MAGI3: variants seen among roughly 807,000 people sequenced by gnomAD.
The protein encoded by MAGI3 is membrane-associated guanylate kinase, WW and PDZ domain-containing protein 3.
Under a neutral mutation model 121.8 loss-of-function variants are expected in MAGI3, and 43 were observed. The observed-to-expected ratio is 0.35, with a 90% CI of 0.28 to 0.46. The LOEUF (loss-of-function observed/expected upper bound fraction) is 0.46. MAGI3 is among the 20% of genes least tolerant of loss of function. The pLI is 1.00. For missense variants in MAGI3, 1,547 were observed against 1,797.3 expected (o/e 0.86, Z 2.52); for synonymous variants, 553 against 639.3 (o/e 0.86, Z 2.04).
chr1:113,561,438 C>T (rs1326340612), intron 2 of MAGI3, among the ~76,000 whole-genome samples: 2 of 152,152 alleles, frequency 1.3e-5, no homozygotes, highest in Non-Finnish European at 2.9e-5. Flanking sequence ...AGCTTTATCC[C>T]GAGGATGCAA....
chr1:113,639,561 C>T (rs899107489), intron 9 of MAGI3, among the ~76,000 whole-genome samples: 1 of 151,910 alleles, frequency 6.6e-6, no homozygotes, highest in Admixed American at 6.6e-5. Flanking sequence ...GCCACCATGC[C>T]TGGCTAATTT....
At chr1:113,646,752 A>G (rs940719527) in intron 12 of MAGI3, 110 bp downstream of exon 12, 7 of 832,276 alleles carry the variant, frequency 8.4e-6, no homozygotes, top group Non-Finnish European at 1.2e-5. Flanking sequence ...TTATTCCTTC[A>G]TTACCATTTT....
intron 19 of MAGI3, among the ~76,000 whole-genome samples, chr1:113,676,156 T>G (rs1647855006): frequency 6.6e-6 from 1 of 152,152 alleles, no homozygotes; most frequent in African/African-American, 2.4e-5. Context: ...AAAATCCAAT[T>G]AAATGATAAA....
At position 113,449,596 on chromosome 1, in the gene MAGI3, T is replaced by C. The variant is rs201813852; in HGVS notation, c.316+58247T>C. ...AATTATCTGCAAGTGCATTTTTTTT[T>C]CCCAATAGATTGAGTTTATTATCAA... On this transcript the variant is annotated intron_variant, in intron 1 of 20. Coordinates refer to ENST00000307546, the MANE Select transcript of MAGI3 (RefSeq NM_001142782.2). 3.4e-4 allele frequency: 217 copies of C among 632,252 alleles called. 1 individual carries two copies. Among genetic ancestry groups the C allele is most frequent in the East Asian group, 1.3e-3 (49 of 36,764 alleles). 39.2% of individuals were successfully genotyped at this position (632,252 alleles called of 1,614,324 possible). A position where few individuals can be genotyped will look rare whatever the true frequency, so the allele number is the denominator to read the frequency against.
intron 11 of MAGI3, among the ~76,000 whole-genome samples, chr1:113,645,454 C>A (rs1409615070): frequency 3.9e-5 from 6 of 152,172 alleles, no homozygotes; most frequent in Non-Finnish European, 1.5e-5. Flanking sequence ...ATTTTTAACT[C>A]CTGTGCCACC....
rs1343541613 is a variant in MAGI3 at position 113,476,024 on chromosome 1, T to G, written c.317-73491T>G. On this transcript the variant is annotated intron_variant, in intron 1 of 20. Coordinates refer to ENST00000307546, the MANE Select transcript of MAGI3 (RefSeq NM_001142782.2). ...TCTAGTTTATTTGCGTAGAGGTGTT[T>G]GTAGTATTCTCTGATGGTAGTTTGT... Among the ~76,000 whole-genome samples the G allele has an allele frequency of 3.3e-5, 5 of 152,230 alleles. No homozygotes were observed. The East Asian group carries it at 9.6e-4, about 29-fold the overall frequency.
At position 113,590,762 on chromosome 1, in the gene MAGI3, AT is replaced by A. The variant is rs574738824; in HGVS notation, c.938+112del. On this transcript the variant is annotated intron_variant, in intron 5 of 20. Transcript: ENST00000307546. ...GACACATACCTTTTTCAGAAGACTCATTTTTTTTCTTTCTTTAAAAATATTT... is the reference window on the plus strand; with the variant it reads ...GACACATACCTTTTTCAGAAGACTCATTTTTTTCTTTCTTTAAAAATATTT... 61 of 1,045,540 alleles carry A rather than the reference AT, an allele frequency of 5.8e-5. No homozygotes were observed. In the Middle Eastern group the frequency reaches 6.3e-4, roughly 11 times the overall value. The allele number at this position is 1,045,540 out of a possible 1,614,324, so 64.8% of individuals were successfully genotyped here.
At chr1:113,442,588 T>A (rs935109780) in intron 1 of MAGI3, among the ~76,000 whole-genome samples, 2 of 151,894 alleles carry the variant, frequency 1.3e-5, no homozygotes, top group Admixed American at 6.6e-5. Flanking sequence ...ATTTCATATA[T>A]ATATAACGTA....
intron 1 of MAGI3, among the ~76,000 whole-genome samples, chr1:113,460,638 T>C (rs557714980): frequency 1.3e-5 from 2 of 151,972 alleles, no homozygotes; most frequent in Non-Finnish European, 2.9e-5. Context: ...TGAAACCCCA[T>C]CTCTACTAAA....
At chr1:113,459,812 T>C (rs1037722324) in intron 1 of MAGI3, among the ~76,000 whole-genome samples, 2 of 152,142 alleles carry the variant, frequency 1.3e-5, no homozygotes, top group Non-Finnish European at 2.9e-5. Flanking sequence ...TGGGACCTGA[T>C]GGATTCACAG....
At chr1:113,454,640 C>T (rs1332311095) in intron 1 of MAGI3, among the ~76,000 whole-genome samples, 1 of 152,124 alleles carries the variant, frequency 6.6e-6, no homozygotes, top group African/African-American at 2.4e-5. Context: ...TGCTATCCCT[C>T]CCCTAGCCCC....
intron 1 of MAGI3, among the ~76,000 whole-genome samples, chr1:113,517,763 T>A (rs950341516): frequency 6.6e-6 from 1 of 151,954 alleles, no homozygotes; most frequent in Non-Finnish European, 1.5e-5. Flanking sequence ...TACTTTTATG[T>A]CCCATAACAT....
chr1:113,668,569 C>CTTTTTTT (rs370302032), intron 16 of MAGI3, among the ~76,000 whole-genome samples: 14 of 94,848 alleles, frequency 1.5e-4, no homozygotes, highest in African/African-American at 1.7e-4. Flanking sequence ...AAACATGTAA[C>CTTTTTTT]TTTTTTTTTT....
intron 9 of MAGI3, among the ~76,000 whole-genome samples, chr1:113,637,058 T>C (rs983855476): frequency 6.6e-6 from 1 of 152,070 alleles, no homozygotes; most frequent in Non-Finnish European, 1.5e-5. Flanking sequence ...AACCCTTGTC[T>C]TTTTTTTGTT....
chr1:113,624,242 C>A (rs532092769), intron 9 of MAGI3, among the ~76,000 whole-genome samples: 12 of 152,180 alleles, frequency 7.9e-5, no homozygotes, highest in Non-Finnish European at 4.4e-5. Context: ...ATTGCTAGAT[C>A]GTATGGTATC....
In MAGI3 at chr1:113,658,602, T is replaced by C. The variant is rs1370136107; in HGVS notation, c.2630-478T>C. On this transcript the variant is annotated intron_variant, in intron 15 of 20. Coordinates refer to ENST00000307546, the MANE Select transcript of MAGI3 (RefSeq NM_001142782.2). The surrounding 1 kb of genome is among the most constrained non-coding windows in gnomAD (Gnocchi z 4.0). Reference sequence around the variant, plus strand: ...AACTACCGAGTGCTAAACCTGAGTTTGACCTGCATTTATTTACAAGGTTCC... The same window carrying C: ...AACTACCGAGTGCTAAACCTGAGTTCGACCTGCATTTATTTACAAGGTTCC... 6.6e-6 allele frequency among the ~76,000 whole-genome samples: 1 copy of C among 152,258 alleles called. No homozygotes were observed. The highest frequency in any genetic ancestry group is 2.4e-5 in the African/African-American group (1 of 41,470).
At chr1:113,575,726 G>T (rs1029706341) in intron 2 of MAGI3, among the ~76,000 whole-genome samples, 1 of 152,198 alleles carries the variant, frequency 6.6e-6, no homozygotes, top group African/African-American at 2.4e-5. Flanking sequence ...AGTGTGCTGG[G>T]AGATCTGCTG....
intron 1 of MAGI3, among the ~76,000 whole-genome samples, chr1:113,437,813 T>C (rs1310437333): frequency 1.2e-3 from 8 of 6,724 alleles, no homozygotes; most frequent in Admixed American, 5.2e-3. Flanking sequence ...TCTTTTCTTC[T>C]TCTTCTTCTT....
chr1:113,391,498 G>A lies in MAGI3; in HGVS notation c.316+149G>A, dbSNP rs1650815040. ...GCCAGACTCCTTGACGAGGGGGAGG[G>A]GTGGCGTTGGTGAGTCCCATTTTGC... is the stretch of plus-strand genomic sequence containing the variant. On this transcript the variant is annotated intron_variant, in intron 1 of 20. Transcript: ENST00000307546. The surrounding 1 kb of genome is among the most constrained non-coding windows in gnomAD (Gnocchi z 4.4). 1.1e-6 allele frequency: 1 copy of A among 905,328 alleles called. No individual in the cohort carries two copies. The highest frequency in any genetic ancestry group is 1.6e-6 in the Non-Finnish European group (1 of 614,304). The allele number at this position is 905,328 out of a possible 1,614,324, so 56.1% of individuals were successfully genotyped here.
Sources: gnomAD v4.1 joint callset for allele counts (sites outside exome capture counted in the v4.1 genomes callset) on GRCh38, gnomAD v4.1.1 for gene constraint, Gnocchi (gnomAD v3.1) non-coding constraint, MANE v1.5 for transcripts, NCBI Gene and HGNC (gene_info 2026-07-23, HGNC 2026-07-21) for gene names.